Variants in PDZRN4 observed in about 807,000 individuals in gnomAD.
The protein encoded by PDZRN4 is PDZ domain containing ring finger 4, also known as PDZ domain-containing RING finger protein 4.
Under a neutral mutation model 99.0 loss-of-function variants are expected in PDZRN4, and 70 were observed. The ratio of observed to expected loss-of-function variants is 0.71; its 90% CI spans 0.58 to 0.86. The LOEUF (loss-of-function observed/expected upper bound fraction) is 0.86. Ranked by LOEUF, PDZRN4 falls within the 40% of genes least tolerant of loss-of-function variation. The probability of loss-of-function intolerance (pLI) is 0.00; values close to 1 mark genes in which losing one functional copy is unlikely to be tolerated. For synonymous variants in PDZRN4, 551 were observed against 501.6 expected (o/e 1.10, Z -1.32); for missense variants, 1,474 against 1,331.2 (o/e 1.11, Z -1.67).
intron 3 of PDZRN4, among the ~76,000 whole-genome samples, chr12:41,331,698 A>G (rs1301382954): frequency 6.6e-6 from 1 of 152,114 alleles, no homozygotes; most frequent in African/African-American, 2.4e-5. Context: ...GATTTAATTG[A>G]CTCACAGTTC....
intron 3 of PDZRN4, among the ~76,000 whole-genome samples, chr12:41,355,162 T>C (rs1013053264): frequency 6.6e-6 from 1 of 152,068 alleles, no homozygotes; most frequent in Non-Finnish European, 1.5e-5. Context: ...AAATCGGAAC[T>C]CTGGTTCAAG....
intron 3 of PDZRN4, among the ~76,000 whole-genome samples, chr12:41,401,604 T>A (rs1424999909): frequency 1.3e-5 from 2 of 152,166 alleles, no homozygotes; most frequent in Admixed American, 1.3e-4. Context: ...CCATCTCTTC[T>A]TTGCCATTCT....
chr12:41,363,154 C>T (rs1453189991), intron 3 of PDZRN4, among the ~76,000 whole-genome samples: 1 of 152,008 alleles, frequency 6.6e-6, no homozygotes, highest in Non-Finnish European at 1.5e-5. Context: ...AATAATAAAG[C>T]TAGTAATTGG....
intron 3 of PDZRN4, among the ~76,000 whole-genome samples, chr12:41,200,643 A>T (rs1186532796): frequency 6.6e-6 from 1 of 152,070 alleles, no homozygotes; most frequent in African/African-American, 2.4e-5. Context: ...ATGCTATAAA[A>T]ATCTCATCGG....
rs189679168 is a variant in PDZRN4, at chr12:41,394,911, C to T, written c.844-111545C>T. On this transcript the variant is annotated intron_variant, in intron 3 of 9. Coordinates refer to ENST00000402685, the MANE Select transcript of PDZRN4 (RefSeq NM_001164595.2). ...ATTTGAGAGTGGCACACCATCGCTT[C>T]TGCTATTTTTTTATTCATTAGAAGT... Among the ~76,000 whole-genome samples, 76 of 152,214 alleles carry T rather than the reference C, an allele frequency of 5.0e-4. No individual in the cohort carries two copies. In the Middle Eastern group the frequency reaches 0.017, roughly 34 times the overall value.
At chr12:41,397,761 T>C (rs1252356325) in intron 3 of PDZRN4, among the ~76,000 whole-genome samples, 1 of 152,168 alleles carries the variant, frequency 6.6e-6, no homozygotes, top group Non-Finnish European at 1.5e-5. Flanking sequence ...TATTGGTATC[T>C]ATGCCCTTGA....
intron 3 of PDZRN4, among the ~76,000 whole-genome samples, chr12:41,386,095 T>C (rs1952168845): frequency 6.6e-6 from 1 of 152,060 alleles, no homozygotes; most frequent in Non-Finnish European, 1.5e-5. Context: ...TGCAGAAAAG[T>C]CTTCGATAAA....
At chr12:41,263,623 G>A (rs904899659) in intron 3 of PDZRN4, among the ~76,000 whole-genome samples, 7 of 152,084 alleles carry the variant, frequency 4.6e-5, no homozygotes, top group African/African-American at 1.7e-4. Context: ...GGAGGCGGAG[G>A]TTGCAGTGAG....
chr12:41,456,161 C>G (rs1952815113), intron 3 of PDZRN4, among the ~76,000 whole-genome samples: 1 of 152,190 alleles, frequency 6.6e-6, no homozygotes, highest in African/African-American at 2.4e-5. Flanking sequence ...CTTCTAGCTT[C>G]TTTGACAGAT....
intron 3 of PDZRN4, among the ~76,000 whole-genome samples, chr12:41,418,377 C>T (rs754332921): frequency 8.5e-5 from 13 of 152,134 alleles, no homozygotes; most frequent in Non-Finnish European, 1.6e-4. Flanking sequence ...TTGTGATATA[C>T]ATTTTCAAAC....
intron 3 of PDZRN4, among the ~76,000 whole-genome samples, chr12:41,280,639 A>T (rs1951377762): frequency 6.7e-6 from 1 of 150,060 alleles, no homozygotes; most frequent in Non-Finnish European, 1.5e-5. Context: ...CAGCAAAGCC[A>T]CTGTAGCGAG....
At chr12:41,472,778 G>A (rs1953005509) in intron 3 of PDZRN4, among the ~76,000 whole-genome samples, 1 of 152,156 alleles carries the variant, frequency 6.6e-6, no homozygotes, top group Admixed American at 6.5e-5. Context: ...TTAAAAAACT[G>A]TGGCATAGAA....
At chr12:41,261,916 A>G (rs1358001925) in intron 3 of PDZRN4, among the ~76,000 whole-genome samples, 1 of 152,188 alleles carries the variant, frequency 6.6e-6, no homozygotes, top group Non-Finnish European at 1.5e-5. Context: ...CATGCCAGAG[A>G]ACATGGGATG....
chr12:41,315,513 A>G (rs926556431), intron 3 of PDZRN4, among the ~76,000 whole-genome samples: 1 of 152,170 alleles, frequency 6.6e-6, no homozygotes, highest in Non-Finnish European at 1.5e-5. Flanking sequence ...TAAAGATTCC[A>G]ATATTATTTG....
chr12:41,452,705 T>G (rs1952785662), intron 3 of PDZRN4, among the ~76,000 whole-genome samples: 1 of 152,226 alleles, frequency 6.6e-6, no homozygotes, highest in Non-Finnish European at 1.5e-5. Flanking sequence ...TTAAATAAGC[T>G]AAATAGAAAA....
At position 41,378,520 on chromosome 12, in the gene PDZRN4, A is replaced by ATTTTTTTTTTTT. The variant is rs71081733; in HGVS notation, c.844-127928_844-127917dup. Among the ~76,000 whole-genome samples the ATTTTTTTTTTTT allele has an allele frequency of 2.4e-3, 245 of 102,798 alleles. 7 individuals are homozygous for ATTTTTTTTTTTT. The highest frequency in any genetic ancestry group is 4.4e-3 in the East Asian group (14 of 3,202). The allele number at this position is 102,798 out of a possible 152,430, so 67.4% of individuals were successfully genotyped here. On this transcript the variant is annotated intron_variant, in intron 3 of 9. Transcript: ENST00000402685. ...TTTGGAAGTGCTCCTTCTGTCTTCA[A>ATTTTTTTTTTTT]TTTTTTTTTTTTTTTTTTTGAGACA...
intron 3 of PDZRN4, among the ~76,000 whole-genome samples, chr12:41,269,909 C>T (rs747982391): frequency 2.0e-5 from 3 of 152,216 alleles, no homozygotes; most frequent in East Asian, 1.9e-4. Flanking sequence ...TACACACACA[C>T]GATATTGCTA....
At chr12:41,471,422 G>A (rs1276805878) in intron 3 of PDZRN4, among the ~76,000 whole-genome samples, 1 of 151,876 alleles carries the variant, frequency 6.6e-6, no homozygotes, top group Non-Finnish European at 1.5e-5. Flanking sequence ...GCTGAATTTA[G>A]CTTTTAAAAG....
At chr12:41,491,680 A>G (rs1937889542) in intron 3 of PDZRN4, among the ~76,000 whole-genome samples, 1 of 152,160 alleles carries the variant, frequency 6.6e-6, no homozygotes, top group South Asian at 2.1e-4. Flanking sequence ...TCTAAAAAAG[A>G]CAAGACTATC....
Sources: allele counts gnomAD v4.1 joint callset (sites outside exome capture counted in the v4.1 genomes callset), GRCh38; gene constraint gnomAD v4.1.1; transcripts MANE v1.5; gene names NCBI Gene and HGNC (gene_info 2026-07-23, HGNC 2026-07-21).